PCDH9: variants seen among roughly 807,000 people sequenced by gnomAD.
The protein encoded by PCDH9 is protocadherin 9.
A neutral mutation model predicts 70.6 loss-of-function variants in PCDH9; 24 were observed. The ratio of observed to expected loss-of-function variants is 0.34; its 90% CI spans 0.25 to 0.48. The LOEUF (loss-of-function observed/expected upper bound fraction) is 0.48, where lower values mean the gene tolerates loss of function less well. PCDH9 is among the 20% of genes least tolerant of loss of function. The pLI, the probability that PCDH9 is intolerant of heterozygous loss-of-function variation, is 0.99. For synonymous variants in PCDH9, 562 were observed against 558.5 expected (o/e 1.01, Z -0.09); for missense variants, 1,281 against 1,503.6 (o/e 0.85, Z 2.45).
chr13:66,309,563 T>C (rs1462849722), intron 4 of PCDH9, among the ~76,000 whole-genome samples: 1 of 151,980 alleles, frequency 6.6e-6, no homozygotes, highest in Admixed American at 6.6e-5. Flanking sequence ...TCTATAGTTC[T>C]CCATAAATAT....
At chr13:67,113,763 G>T (rs1433476606) in intron 2 of PCDH9, among the ~76,000 whole-genome samples, 3 of 152,078 alleles carry the variant, frequency 2.0e-5, no homozygotes, top group Admixed American at 2.0e-4. Context: ...TAGGCAGGAT[G>T]GTCTTGAACT....
At chr13:66,884,419 T>G (rs1251752381) in intron 3 of PCDH9, among the ~76,000 whole-genome samples, 1 of 152,204 alleles carries the variant, frequency 6.6e-6, no homozygotes, top group Admixed American at 6.5e-5. Flanking sequence ...TGTAATGTCC[T>G]GCACTCACCA....
At chr13:67,178,304 G>C (rs1300575978) in intron 2 of PCDH9, among the ~76,000 whole-genome samples, 1 of 151,904 alleles carries the variant, frequency 6.6e-6, no homozygotes, top group Non-Finnish European at 1.5e-5. Context: ...TACAATGTTT[G>C]GCAAATCATT....
At chr13:67,146,191 T>A in intron 2 of PCDH9, among the ~76,000 whole-genome samples, 1 of 152,284 alleles carries the variant, frequency 6.6e-6, no homozygotes, top group South Asian at 2.1e-4. Flanking sequence ...CTGTCTGTTA[T>A]ACTTGACATT....
At chr13:66,859,667 T>C (rs1029315683) in intron 3 of PCDH9, among the ~76,000 whole-genome samples, 3 of 152,202 alleles carry the variant, frequency 2.0e-5, no homozygotes, top group Admixed American at 6.5e-5. Flanking sequence ...AATTTCTTCC[T>C]GTATCAATAT....
At chr13:67,040,619 C>T (rs1160579391) in intron 2 of PCDH9, among the ~76,000 whole-genome samples, 4 of 152,018 alleles carry the variant, frequency 2.6e-5, no homozygotes, top group East Asian at 1.9e-4. Flanking sequence ...AAATTTCTGT[C>T]GCTTATAAGC....
chr13:66,719,110 A>C (rs888115341), intron 3 of PCDH9, among the ~76,000 whole-genome samples: 1 of 152,162 alleles, frequency 6.6e-6, no homozygotes, highest in Non-Finnish European at 1.5e-5. Context: ...TCAATCCCGA[A>C]GATGTAGTCG....
chr13:67,067,104 C>T (rs1470402956), intron 2 of PCDH9, among the ~76,000 whole-genome samples: 1 of 152,016 alleles, frequency 6.6e-6, no homozygotes, highest in Non-Finnish European at 1.5e-5. Context: ...TCTTTTAAAC[C>T]AAGAATTTTA....
chr13:66,517,444 T>C (rs1248871356), intron 4 of PCDH9, among the ~76,000 whole-genome samples: 1 of 152,122 alleles, frequency 6.6e-6, no homozygotes, highest in East Asian at 1.9e-4. Flanking sequence ...AATTAGACTT[T>C]TAGCTTTTCC....
chr13:66,444,182 T>C (rs1373582386), intron 4 of PCDH9, among the ~76,000 whole-genome samples: 6 of 152,144 alleles, frequency 3.9e-5, no homozygotes, highest in Non-Finnish European at 8.8e-5. Flanking sequence ...ACCTTTAAGC[T>C]TCCACAAGAA....
chr13:66,820,378 T>C (rs1038057576), intron 3 of PCDH9, among the ~76,000 whole-genome samples: 1 of 152,154 alleles, frequency 6.6e-6, no homozygotes, highest in African/African-American at 2.4e-5. Flanking sequence ...AAAGAAAAAG[T>C]AACACTTATA....
chr13:67,008,437 T>C (rs1207893077), intron 2 of PCDH9, among the ~76,000 whole-genome samples: 3 of 152,192 alleles, frequency 2.0e-5, no homozygotes, highest in African/African-American at 7.2e-5. Context: ...TTTTGTTTTA[T>C]TGTTATTCGG....
chr13:66,425,368 T>G (rs1385211873), intron 4 of PCDH9, among the ~76,000 whole-genome samples: 1 of 151,598 alleles, frequency 6.6e-6, no homozygotes, highest in Admixed American at 6.6e-5. Context: ...TAACCTCCTA[T>G]CACACCGACT....
intron 3 of PCDH9, among the ~76,000 whole-genome samples, chr13:66,798,004 A>T (rs1252773168): frequency 6.6e-6 from 1 of 151,460 alleles, no homozygotes; most frequent in Non-Finnish European, 1.5e-5. Context: ...AGGGAAGAAA[A>T]ATAAGAAAAA....
chr13:66,825,643 T>C (rs2080811323), intron 3 of PCDH9, among the ~76,000 whole-genome samples: 1 of 152,184 alleles, frequency 6.6e-6, no homozygotes, highest in Non-Finnish European at 1.5e-5. Flanking sequence ...CCAAAAACTT[T>C]TAAAAACTGT....
chr13:66,580,546 T>G (rs370824784), intron 4 of PCDH9, among the ~76,000 whole-genome samples: 108 of 151,936 alleles, frequency 7.1e-4, no homozygotes, highest in African/African-American at 2.5e-3. Context: ...GTCAATGGTA[T>G]GGACATCTTT....
At chr13:66,935,593 A>T (rs368681908) in intron 2 of PCDH9, among the ~76,000 whole-genome samples, 8 of 152,308 alleles carry the variant, frequency 5.3e-5, no homozygotes, top group African/African-American at 1.9e-4. Flanking sequence ...ATTTGTGTAT[A>T]ATTATTACAT....
chr13:66,819,523 G>A (rs887031772), intron 3 of PCDH9, among the ~76,000 whole-genome samples: 3 of 152,038 alleles, frequency 2.0e-5, no homozygotes, highest in Admixed American at 6.5e-5. Context: ...ATGAAAGGAC[G>A]ACACTTCTCA....
In PCDH9 at chr13:67,128,767, T is replaced by C. The variant is rs545697865; in HGVS notation, c.3036+96638A>G. 7.2e-5 allele frequency among the ~76,000 whole-genome samples: 11 copies of C among 152,308 alleles called. No homozygotes were observed. In the South Asian group the frequency reaches 1.5e-3, roughly 20 times the overall value. The stretch of plus-strand genomic sequence containing the variant: ...ACTGTTTGAATTCCTCTAGAAGATG[T>C]TGAGCTTCCACCGTTGTGTTCCAAG... On this transcript the variant is annotated intron_variant, in intron 2 of 4. Transcript: ENST00000377865.
Sources: gnomAD v4.1 joint callset for allele counts (sites outside exome capture counted in the v4.1 genomes callset) on GRCh38, gnomAD v4.1.1 for gene constraint, MANE v1.5 for transcripts, NCBI Gene and HGNC (gene_info 2026-07-23, HGNC 2026-07-21) for gene names.